Variants in MYPN observed in about 807,000 individuals in gnomAD.
The protein encoded by MYPN is sarcomeric protein myopalladin, 145 kDa (MYOP).
MYPN carries 63 observed loss-of-function variants against 129.4 expected under a neutral mutation model. That is an observed-to-expected ratio of 0.49 (90% CI 0.40 to 0.60). The LOEUF is 0.60. MYPN is among the 20% of genes least tolerant of loss of function. MYPN has a pLI of 0.00. For synonymous variants in MYPN, 629 were observed against 600.9 expected (o/e 1.05, Z -0.68); for missense variants, 1,596 against 1,635.4 (o/e 0.98, Z 0.42).
At position 68,137,406 on chromosome 10, in the gene MYPN, T is replaced by G. The variant is rs1033755271; in HGVS notation, c.903-5534T>G. On this transcript the variant is annotated intron_variant, in intron 2 of 19. Coordinates refer to ENST00000358913, the MANE Select transcript of MYPN (RefSeq NM_032578.4). ...TTGTGGCTATTCTTATTTTATACCA[T>G]ATTAAAATTAACTAGCAGTAGTTTC... 2.6e-5 allele frequency among the ~76,000 whole-genome samples: 4 copies of G among 152,322 alleles called. No homozygotes were observed. In the South Asian group the frequency reaches 8.3e-4, roughly 32 times the overall value.
chr10:68,104,385 T>C (rs1419555705), upstream of MYPN, among the ~76,000 whole-genome samples: 1 of 152,212 alleles, frequency 6.6e-6, no homozygotes, highest in Non-Finnish European at 1.5e-5. Context: ...GTAAAAACTT[T>C]ATTGACCCAT....
intron 9 of MYPN, 47 bp downstream of exon 9, chr10:68,165,865 G>A (rs1235590705): frequency 7.0e-7 from 1 of 1,438,330 alleles, no homozygotes. Context: ...GACTTTGAGT[G>A]TGAATATGCA....
intron 2 of MYPN, among the ~76,000 whole-genome samples, chr10:68,140,086 G>A (rs2042551894): frequency 6.6e-6 from 1 of 152,160 alleles, no homozygotes; most frequent in African/African-American, 2.4e-5. Context: ...GCTGAGGTCT[G>A]ACTCATGAGA....
At chr10:68,094,757 CTG>C (rs1226036303) in intron 1 of MYPN, among the ~76,000 whole-genome samples, 1 of 152,112 alleles carries the variant, frequency 6.6e-6, no homozygotes, top group Non-Finnish European at 1.5e-5. Flanking sequence ...GTGGGTGTGA[CTG>C]TGTAAAATAT....
At chr10:68,199,698 C>CCACAGTGAAGGGGA in intron 17 of MYPN, 123 bp downstream of exon 17, 2 of 971,390 alleles carry the variant, frequency 2.1e-6, no homozygotes, top group Non-Finnish European at 3.2e-6. Context: ...ATTTCCCCTT[C>CCACAGTGAAGGGGA]ACTGTGGTAG....
chr10:68,176,153 A>T (rs1564682422), intron 12 of MYPN, among the ~76,000 whole-genome samples: 1 of 152,180 alleles, frequency 6.6e-6, no homozygotes, highest in Non-Finnish European at 1.5e-5. Flanking sequence ...AGGTTGAATC[A>T]TGTGAAATAG....
intron 17 of MYPN, among the ~76,000 whole-genome samples, chr10:68,201,564 C>T (rs1340548348): frequency 1.3e-5 from 2 of 149,674 alleles, no homozygotes; most frequent in Non-Finnish European, 3.0e-5. Flanking sequence ...GCCAGGAGTT[C>T]GAGATCAGCC....
At chr10:68,155,364 A>T (rs2042854322) in intron 6 of MYPN, among the ~76,000 whole-genome samples, 1 of 152,168 alleles carries the variant, frequency 6.6e-6, no homozygotes, top group African/African-American at 2.4e-5. Flanking sequence ...TTGTCAAGTC[A>T]CCCTACAAAG....
chr10:68,114,461 G>A (rs2042126825), intron 1 of MYPN, among the ~76,000 whole-genome samples: 1 of 150,458 alleles, frequency 6.6e-6, no homozygotes, highest in Non-Finnish European at 1.5e-5. Context: ...CGATTCTCCT[G>A]TCTCAGCCTC....
At chr10:68,138,007 A>G (rs2042513575) in intron 2 of MYPN, among the ~76,000 whole-genome samples, 1 of 152,200 alleles carries the variant, frequency 6.6e-6, no homozygotes, top group Admixed American at 6.5e-5. Flanking sequence ...CCAAATATTA[A>G]GAACACATGG....
At chr10:68,197,792 C>T (rs2043636235) in intron 16 of MYPN, among the ~76,000 whole-genome samples, 5 of 152,074 alleles carry the variant, frequency 3.3e-5, no homozygotes, top group Admixed American at 3.3e-4. Context: ...GGCCCGCGTT[C>T]CAAGCCCCAC....
At chr10:68,116,945 C>T (rs748575487) in intron 1 of MYPN, among the ~76,000 whole-genome samples, 1 of 152,086 alleles carries the variant, frequency 6.6e-6, no homozygotes, top group African/African-American at 2.4e-5. Context: ...ATAGGCCGGA[C>T]ATGGTGGCTC....
chr10:68,123,725 G>A (rs190417930), intron 2 of MYPN, among the ~76,000 whole-genome samples: 288 of 137,236 alleles, frequency 2.1e-3, no homozygotes, highest in African/African-American at 4.8e-3. Flanking sequence ...AAATAAATAA[G>A]TATAATTAAA....
chr10:68,165,470 CT>C (rs1354183547), intron 8 of MYPN: 1 of 601,980 alleles, frequency 1.7e-6, no homozygotes. Flanking sequence ...AAAAAATCCC[CT>C]TGTCAGTACT....
At chr10:68,148,995 G>T (rs1347662157) in intron 5 of MYPN, among the ~76,000 whole-genome samples, 1 of 152,176 alleles carries the variant, frequency 6.6e-6, no homozygotes, top group East Asian at 1.9e-4. Flanking sequence ...GGAGGCCAAG[G>T]TGGGAGGATT....
intron 13 of MYPN, 83 bp from the exon 14 acceptor site, chr10:68,194,280 G>A (rs969759838): frequency 3.4e-6 from 5 of 1,453,600 alleles, no homozygotes; most frequent in Non-Finnish European, 4.8e-6. Context: ...ATGGCAGTTG[G>A]CCCTTTCCTC....
intron 8 of MYPN, among the ~76,000 whole-genome samples, chr10:68,162,976 G>A (rs946127387): frequency 6.6e-6 from 1 of 151,968 alleles, no homozygotes; most frequent in Non-Finnish European, 1.5e-5. Flanking sequence ...TGGAATTCAT[G>A]GCCTGAAAAA....
At chr10:68,209,671 CTTTT>C (rs35392300) in intron 19 of MYPN, among the ~76,000 whole-genome samples, 156 of 131,202 alleles carry the variant, frequency 1.2e-3, no homozygotes, top group Middle Eastern at 8.5e-3. Context: ...GAATTCTTTT[CTTTT>C]TTTTTTTTTT....
chr10:68,132,368 A>G (rs1372507107), intron 2 of MYPN, among the ~76,000 whole-genome samples: 3 of 152,206 alleles, frequency 2.0e-5, no homozygotes, highest in East Asian at 3.8e-4. Context: ...ATCTTTTCAT[A>G]TATTTCAAGA....
Sources: gnomAD v4.1 joint callset for allele counts (sites outside exome capture counted in the v4.1 genomes callset) on GRCh38, gnomAD v4.1.1 for gene constraint, MANE v1.5 for transcripts, NCBI Gene and HGNC (gene_info 2026-07-23, HGNC 2026-07-21) for gene names.